The following LRRC37B variants were observed in gnomAD, a reference collection of about 807,000 sequenced individuals.
LRRC37B encodes leucine rich repeat containing 37B.
In LRRC37B, 28 loss-of-function variants were observed where a neutral mutation model predicts 98.3. The ratio of observed to expected loss-of-function variants is 0.28; its 90% CI spans 0.21 to 0.39. The LOEUF is 0.39. Ranked by LOEUF, LRRC37B falls within the 10% of genes least tolerant of loss-of-function variation. LRRC37B has a pLI of 1.00. For synonymous variants in LRRC37B, 364 were observed against 442.7 expected (o/e 0.82, Z 2.23); for missense variants, 938 against 1,182.7 (o/e 0.79, Z 3.03).
chr17:32,047,501 C>T (rs1911620778), intron 8 of LRRC37B: 1 of 487,802 alleles, frequency 2.1e-6, no homozygotes. Flanking sequence ...CAATTGGCCC[C>T]TGGGGATCAA....
At chr17:32,030,662 A>G in exon 4 of LRRC37B, 4 of 1,459,736 alleles carry the variant, frequency 2.7e-6, no homozygotes, top group South Asian at 2.5e-5. Flanking sequence ...CTAGAGATTT[A>G]TCCTGCAATA....
chr17:32,012,657 A>G (rs1308929875), intron 1 of LRRC37B, among the ~76,000 whole-genome samples: 5 of 152,282 alleles, frequency 3.3e-5, no homozygotes, highest in Non-Finnish European at 7.4e-5. Context: ...TGGATATTGC[A>G]GTGAGCTGAG....
intron 11 of LRRC37B, 48 bp downstream of exon 14, chr17:32,050,155 G>T (rs1430906303): frequency 9.6e-6 from 10 of 1,036,992 alleles, no homozygotes; most frequent in East Asian, 2.4e-5. Context: ...TCCTGTGTTT[G>T]TGTGGATTCA....
chr17:32,021,968 C>T, exon 1 of LRRC37B: 1 of 1,614,104 alleles, frequency 6.2e-7, no homozygotes. Flanking sequence ...CCCTTGAAGA[C>T]ATCCAGTCCT....
chr17:32,052,653 A>G, intron 11 of LRRC37B: 1 of 152,378 alleles, frequency 6.6e-6, no homozygotes, highest in East Asian at 1.9e-4. Flanking sequence ...TTGTCATTAT[A>G]CAATATCTAT....
At chr17:32,019,218 C>T (rs116505577), upstream of LRRC37B, among the ~76,000 whole-genome samples, 822 of 152,332 alleles carry the variant, frequency 5.4e-3, 7 homozygotes, top group African/African-American at 0.019. Flanking sequence ...CGAGCCGCTG[C>T]GCCTGGGCCC....
intron 5 of LRRC37B, among the ~76,000 whole-genome samples, chr17:32,031,681 G>A (rs1047636333): frequency 1.2e-4 from 18 of 151,740 alleles, no homozygotes; most frequent in Non-Finnish European, 2.4e-4. Context: ...TATGGCATGG[G>A]CAAGAAAAGG....
intron 3 of LRRC37B, among the ~76,000 whole-genome samples, chr17:32,029,445 TAAGAAG>T (rs1208709407): frequency 6.6e-6 from 1 of 152,152 alleles, no homozygotes; most frequent in Non-Finnish European, 1.5e-5. Flanking sequence ...ATAACTACAT[TAAGAAG>T]AAGAAATGGA....
intron 7 of LRRC37B, among the ~76,000 whole-genome samples, chr17:32,036,777 C>T (rs1422457613): frequency 6.6e-6 from 1 of 152,076 alleles, no homozygotes; most frequent in Non-Finnish European, 1.5e-5. Context: ...AATAAAACTC[C>T]TAAAAACACT....
chr17:32,021,075 G>T (rs781435970), exon 1 of LRRC37B: 2 of 1,612,448 alleles, frequency 1.2e-6, no homozygotes, highest in South Asian at 2.2e-5. Context: ...CATGGCACAC[G>T]CTTATAAGGG....
chr17:32,030,387 A>G lies in LRRC37B; in HGVS notation c.1905-269A>G, dbSNP rs542177671. ...TAATCTAGGATTTGATGAGACTACA[A>G]AAGGGCATCTAATCAAGTCTACTGC... On this transcript the variant is annotated intron_variant, in intron 3 of 11. Transcript: ENST00000327564. Among the ~76,000 whole-genome samples the G allele has an allele frequency of 8.6e-5, 13 of 151,598 alleles. No individual in the cohort carries two copies. In the East Asian group the frequency reaches 2.5e-3, roughly 29 times the overall value.
At position 32,041,263 on chromosome 17, in the gene LRRC37B, C is replaced by G. The variant is rs758591733; in HGVS notation, c.2205-4437C>G. On this transcript the variant is annotated intron_variant, in intron 7 of 11. Transcript: ENST00000327564. ...GGGGGCTTCCCCTGCACCACAGTCC[C>G]CAAGATTGCAGCTTCATCCCCTTTC... 7.8e-6 allele frequency: 6 copies of G among 765,918 alleles called. No homozygotes were observed. In the East Asian group the frequency reaches 1.5e-4, roughly 19 times the overall value. The allele number at this position is 765,918 out of a possible 1,614,324, so 47.4% of individuals were successfully genotyped here.
chr17:32,047,391 C>T, intron 8 of LRRC37B: 1 of 307,636 alleles, frequency 3.3e-6, no homozygotes, highest in Non-Finnish European at 6.4e-6. Flanking sequence ...GCATATGAGG[C>T]AGGACAGCAC....
intron 2 of LRRC37B, among the ~76,000 whole-genome samples, chr17:32,026,924 C>G (rs1910971605): frequency 6.6e-6 from 1 of 152,156 alleles, no homozygotes; most frequent in African/African-American, 2.4e-5. Context: ...GGTGAGGTGG[C>G]TCATGTCTGC....
At chr17:32,022,294 C>G (rs1280314477) in exon 1 of LRRC37B, 2 of 1,613,980 alleles carry the variant, frequency 1.2e-6, no homozygotes, top group Admixed American at 3.3e-5. Context: ...TCTTCTACAG[C>G]CCTGAGGACT....
chr17:32,009,559 C>T (rs1467299882), intron 1 of LRRC37B, among the ~76,000 whole-genome samples: 8 of 152,132 alleles, frequency 5.3e-5, no homozygotes, highest in African/African-American at 1.7e-4. Context: ...AGGCATGAGC[C>T]GCCATGCCTG....
intron 2 of LRRC37B, among the ~76,000 whole-genome samples, chr17:32,026,465 G>A (rs1234078318): frequency 6.6e-6 from 1 of 152,198 alleles, no homozygotes; most frequent in Non-Finnish European, 1.5e-5. Flanking sequence ...TTTTGTTCTT[G>A]TTGCCCAGGC....
At chr17:32,050,144 A>G (rs779463862) in intron 11 of LRRC37B, 37 bp downstream of exon 14, 34 of 1,114,944 alleles carry the variant, frequency 3.0e-5, no homozygotes, top group Non-Finnish European at 4.3e-5. Context: ...TCAGAATACA[A>G]TCCTGTGTTT....
intron 11 of LRRC37B, chr17:32,052,745 A>G (rs1598216941): frequency 6.6e-6 from 1 of 152,412 alleles, no homozygotes; most frequent in Middle Eastern, 3.4e-3. Context: ...TGGGAGGCCA[A>G]CCTGGGCAGC....
Sources: gnomAD v4.1 joint callset for allele counts (sites outside exome capture counted in the v4.1 genomes callset) on GRCh38, gnomAD v4.1.1 for gene constraint, MANE v1.5 for transcripts, NCBI Gene and HGNC (gene_info 2026-07-23, HGNC 2026-07-21) for gene names.